FAM50A: variants seen among roughly 807,000 people sequenced by gnomAD.
FAM50A encodes protein FAM50A.
In FAM50A, 6 loss-of-function variants were observed where a neutral mutation model predicts 35.5. The ratio of observed to expected loss-of-function variants is 0.17; its 90% CI spans 0.09 to 0.33. The LOEUF (loss-of-function observed/expected upper bound fraction) is 0.33. FAM50A is among the 10% of genes least tolerant of loss of function. FAM50A has a pLI of 1.00. For missense variants in FAM50A, 145 were observed against 295.5 expected (o/e 0.49, Z 3.73); for synonymous variants, 120 against 110.9 (o/e 1.08, Z -0.52).
intron 9 of FAM50A, 71 bp downstream of exon 9, chrX:154,449,806 A>C (rs1557200304): frequency 7.0e-6 from 8 of 1,151,043 alleles, no homozygotes; most frequent in Non-Finnish European, 8.3e-6. Context: ...TGGTGGGGGC[A>C]GTGTGCGCAG....
At position 154,445,422 on chromosome X, in the gene FAM50A, C is replaced by T. The variant is rs145929267; in HGVS notation, c.112-211C>T. 6.9e-3 allele frequency: 3,057 copies of T among 442,667 alleles called. 89 individuals carry two copies. Among genetic ancestry groups the T allele is most frequent in the African/African-American group, 0.067 (2,712 of 40,433 alleles). 36.5% of individuals were successfully genotyped at this position (442,667 alleles called of 1,213,427 possible). A position where few individuals can be genotyped will look rare whatever the true frequency, so the allele number is the denominator to read the frequency against. On this transcript the variant is annotated intron_variant, in intron 1 of 12. Coordinates refer to ENST00000393600, the MANE Select transcript of FAM50A (RefSeq NM_004699.4). ...CAGGCTACTGAGGGACCTGTGATCC[C>T]CAGCAGGAGACCTGAAGAGCCAGAG...
Position 154,449,744 on chromosome X carries a change from C to T in FAM50A, c.780+9C>T. On this transcript the variant is annotated intron_variant, in intron 9 of 12. Coordinates refer to ENST00000393600, the MANE Select transcript of FAM50A (RefSeq NM_004699.4). ...ACTTGATCATCCCTCACGTGAGTCC[C>T]TTCAGCCCCAGTACCCGCAGTGGGT... The T allele has an allele frequency of 8.3e-7, 1 of 1,206,993 alleles. No homozygotes were observed. The highest frequency in any genetic ancestry group is 1.1e-6 in the Non-Finnish European group (1 of 890,985).
chrX:154,450,559 T>C lies in FAM50A; in HGVS notation c.*127T>C. 1 of 649,107 alleles carries C rather than the reference T, an allele frequency of 1.5e-6. No individual in the cohort carries two copies. Among genetic ancestry groups the C allele is most frequent in the Non-Finnish European group, 2.4e-6 (1 of 418,955 alleles). 53.5% of individuals were successfully genotyped at this position (649,107 alleles called of 1,213,427 possible). On this transcript the variant is annotated 3_prime_UTR_variant, in exon 13 of 13. Coordinates refer to ENST00000393600, the MANE Select transcript of FAM50A (RefSeq NM_004699.4). ...ACGCTGGGAGGAGGACGGCAGCTGC[T>C]CGTGTCCTGCCCCTGCCACATCAGT... is the stretch of plus-strand genomic sequence containing the variant.
chrX:154,447,038 C>T (rs1414996691), intron 4 of FAM50A, among the ~76,000 whole-genome samples: 4 of 111,522 alleles, frequency 3.6e-5, no homozygotes, highest in African/African-American at 6.5e-5. Context: ...AGGGTGCTGT[C>T]CCTCTCCTGG....
intron 3 of FAM50A, chrX:154,446,197 C>G: frequency 2.2e-6 from 1 of 453,517 alleles, no homozygotes; most frequent in Non-Finnish European, 3.9e-6. Context: ...CTGTGCTTGG[C>G]TCTCCCCTGT....
chrX:154,448,749 G>A lies in FAM50A; in HGVS notation c.579G>A (p.Lys193=). The A allele has an allele frequency of 2.5e-6, 3 of 1,209,691 alleles. No individual in the cohort carries two copies. The highest frequency in any genetic ancestry group is 2.2e-6 in the Non-Finnish European group (2 of 894,259). ...AGGAGTGGGAAGCCAAGCAGGAGAA[G>A]ATCAAGAGTGAGTGTTTGCGGAGTC... ...LRQEWEAKQE[K]IKSEEIEITF... Residue 193 remains lysine (K), a synonymous_variant, in exon 6 of 13, where the codon AAG becomes AAA. Transcript: ENST00000393600.
intron 3 of FAM50A, 87 bp downstream of exon 3, chrX:154,445,998 G>A (rs183908507): frequency 4.4e-6 from 3 of 686,540 alleles, no homozygotes; most frequent in East Asian, 3.5e-5. Flanking sequence ...CCCTGGGGGG[G>A]ACCCTGTCTC....
At chrX:154,449,157 C>T in intron 7 of FAM50A, 64 bp from the exon 8 acceptor site, 1 of 1,047,555 alleles carries the variant, frequency 9.5e-7, no homozygotes, top group South Asian at 1.9e-5. Flanking sequence ...GGGCCTCTGC[C>T]TTGTTGAGAG....
Position 154,444,203 on chromosome X carries a change from CCCGCCG to C in FAM50A, c.-10_-5del, listed in dbSNP as rs781785747. ...GCTGTCGCTGTCGCCGCCGCCGCCG[CCCGCCG>C]CCGCCGCCGCCGCCGCCGCCGCTGC... On this transcript the variant is annotated 5_prime_UTR_variant, in exon 1 of 13. Coordinates refer to ENST00000393600, the MANE Select transcript of FAM50A (RefSeq NM_004699.4). 7.1e-4 allele frequency: 451 copies of C among 639,113 alleles called. 1 individual carries two copies. The highest frequency in any genetic ancestry group is 1.6e-3 in the Middle Eastern group (2 of 1,229). The allele number at this position is 639,113 out of a possible 1,213,427, so 52.7% of individuals were successfully genotyped here.
intron 10 of FAM50A, 25 bp from the exon 11 acceptor site, chrX:154,450,004 T>C: frequency 8.3e-7 from 1 of 1,209,934 alleles, no homozygotes; most frequent in Non-Finnish European, 1.1e-6. Flanking sequence ...CAGCGGGACA[T>C]TGGGCTGTCA....
Position 154,445,668 on chromosome X carries a change from C to T in FAM50A, c.147C>T (p.Phe49=), listed in dbSNP as rs782569538. 4.1e-6 allele frequency: 5 copies of T among 1,209,711 alleles called. No individual in the cohort carries two copies. In the South Asian group the frequency reaches 7.0e-5, roughly 17 times the overall value. ...TGAAATCCAACATTGACAAGAAGTTCTCTGCGCACTACGACGCGGTGGAGG... is the reference window on the plus strand; with the variant it reads ...TGAAATCCAACATTGACAAGAAGTTTTCTGCGCACTACGACGCGGTGGAGG... ...NIMKSNIDKK[F]SAHYDAVEAE... is the part of the protein sequence containing the mutation. Residue 49 remains phenylalanine, a synonymous_variant, in exon 2 of 13, where the codon TTC becomes TTT. Transcript: ENST00000393600.
At position 154,444,365 on chromosome X, in the gene FAM50A, C is replaced by G. The variant is rs2068772977; in HGVS notation, c.111+19C>G. On this transcript the variant is annotated intron_variant, in intron 1 of 12. Coordinates refer to ENST00000393600, the MANE Select transcript of FAM50A (RefSeq NM_004699.4). Reference sequence around the variant, plus strand: ...CGCGGAGGTGCGAGCCGGGGAGCCTCGGAGCATGCGCGCTGCCCAGGTCCC... The same window carrying G: ...CGCGGAGGTGCGAGCCGGGGAGCCTGGGAGCATGCGCGCTGCCCAGGTCCC... The G allele has an allele frequency of 6.2e-6, 6 of 968,742 alleles. No individual in the cohort carries two copies. The highest frequency in any genetic ancestry group is 4.7e-5 in the African/African-American group (2 of 42,342). 79.8% of individuals were successfully genotyped at this position (968,742 alleles called of 1,213,427 possible).
At position 154,450,130 on chromosome X, in the gene FAM50A, C is replaced by T. The variant is rs375504099; in HGVS notation, c.900+31C>T. 3.7e-5 allele frequency: 45 copies of T among 1,200,507 alleles called. No homozygotes were observed. In the East Asian group the frequency reaches 3.9e-4, roughly 10 times the overall value. ...GCGTAGGGGGCCGTGTGAGGGGGAACGGGTGTCCCTGGGCTATGGAGGAGA... is the reference window on the plus strand; with the variant it reads ...GCGTAGGGGGCCGTGTGAGGGGGAATGGGTGTCCCTGGGCTATGGAGGAGA... On this transcript the variant is annotated intron_variant, in intron 11 of 12. Transcript: ENST00000393600.
chrX:154,446,204 C>T (rs1345146921), intron 3 of FAM50A: 17 of 453,312 alleles, frequency 3.8e-5, no homozygotes, highest in South Asian at 3.3e-5. Flanking sequence ...TGGCTCTCCC[C>T]TGTGGCCCTC....
In FAM50A at chrX:154,448,530, C is replaced by T; in HGVS notation, c.489C>T (p.Asp163=). Residue 163 remains aspartate, a synonymous_variant, in exon 5 of 13, where the codon GAC becomes GAT. Coordinates refer to ENST00000393600, the MANE Select transcript of FAM50A (RefSeq NM_004699.4). The stretch of plus-strand genomic sequence containing the variant: ...AACTGGGGAAGAACCCAGACGTTGA[C>T]ACAAGCTTCTTGCCTGATCGAGACC... ...KRKLGKNPDV[D]TSFLPDRDRE... The T allele has an allele frequency of 8.3e-7, 1 of 1,210,486 alleles. No homozygotes were observed. Among genetic ancestry groups the T allele is most frequent in the Non-Finnish European group, 1.1e-6 (1 of 894,636 alleles).
Position 154,450,562 on chromosome X carries a change from T to C in FAM50A, c.*130T>C. ...CTGGGAGGAGGACGGCAGCTGCTCG[T>C]GTCCTGCCCCTGCCACATCAGTGAC... On this transcript the variant is annotated 3_prime_UTR_variant, in exon 13 of 13. Transcript: ENST00000393600. 1 of 623,071 alleles carries C rather than the reference T, an allele frequency of 1.6e-6. No individual in the cohort carries two copies. Among genetic ancestry groups the C allele is most frequent in the Non-Finnish European group, 2.5e-6 (1 of 398,794 alleles). The allele number at this position is 623,071 out of a possible 1,213,427, so 51.3% of individuals were successfully genotyped here. A position where few individuals can be genotyped will look rare whatever the true frequency, so the allele number is the denominator to read the frequency against.
rs2068779351 is a variant in FAM50A at position 154,445,622 on chromosome X, A to G, written c.112-11A>G. The G allele has an allele frequency of 8.4e-7, 1 of 1,196,277 alleles. No homozygotes were observed. Among genetic ancestry groups the G allele is most frequent in the African/African-American group, 1.7e-5 (1 of 57,272 alleles). ...AGGGGTGGTTCTCATGGTGGCTGTC[A>G]CTCCCCGCAGGAGAACATCATGAAA... is the stretch of plus-strand genomic sequence containing the variant. On this transcript the variant is annotated splice_polypyrimidine_tract_variant and intron_variant, in intron 1 of 12. Transcript: ENST00000393600.
intron 3 of FAM50A, among the ~76,000 whole-genome samples, 193 bp downstream of exon 3, chrX:154,446,104 GTCT>G (rs1557199789): frequency 8.9e-6 from 1 of 112,515 alleles, no homozygotes; most frequent in East Asian, 2.8e-4. Flanking sequence ...ATGGCGGCTT[GTCT>G]TCTTTCTGAC....
At position 154,445,673 on chromosome X, in the gene FAM50A, C is replaced by T. The variant is rs782230914; in HGVS notation, c.152C>T (p.Ala51Val). ...TCCAACATTGACAAGAAGTTCTCTG[C>T]GCACTACGACGCGGTGGAGGCAGAG... Reference protein sequence around the residue: ...MKSNIDKKFSAHYDAVEAELK... With the variant: ...MKSNIDKKFSVHYDAVEAELK... Residue 51 changes from alanine to valine, a missense_variant, in exon 2 of 13, where the codon GCG (alanine) becomes GTG (valine). This residue lies in a region of FAM50A where 31 missense variants were observed against 75.2 expected (regional missense o/e 0.41). Coordinates refer to ENST00000393600, the MANE Select transcript of FAM50A (RefSeq NM_004699.4). 5.8e-6 allele frequency: 7 copies of T among 1,207,760 alleles called. No individual in the cohort carries two copies. In the Admixed American group the frequency reaches 1.1e-4, roughly 19 times the overall value.
Sources: gnomAD v4.1 joint callset for allele counts (sites outside exome capture counted in the v4.1 genomes callset) on GRCh38, gnomAD v4.1.1 for gene constraint, gnomAD v4.1.1 regional missense constraint, MANE v1.5 for transcripts, NCBI Gene and HGNC (gene_info 2026-07-23, HGNC 2026-07-21) for gene names.